CRAMP1: variants seen among roughly 807,000 people sequenced by gnomAD.
CRAMP1 encodes protein cramped-like.
CRAMP1 carries 50 observed loss-of-function variants against 115.4 expected under a neutral mutation model. The observed-to-expected ratio is 0.43, with a 90% confidence interval of 0.35 to 0.55. The LOEUF (loss-of-function observed/expected upper bound fraction) is 0.55. Ranked by LOEUF, CRAMP1 falls within the 20% of genes least tolerant of loss-of-function variation. The probability of loss-of-function intolerance (pLI) is 0.01; values close to 1 mark genes in which losing one functional copy is unlikely to be tolerated. For missense variants in CRAMP1, 1,679 were observed against 1,721.7 expected (o/e 0.98, Z 0.44); for synonymous variants, 866 against 745.4 (o/e 1.16, Z -2.64).
chr16:1,668,025 C>G lies in CRAMP1; in HGVS notation c.3166C>G (p.Pro1056Ala). Residue 1056 changes from proline (P) to alanine (A), a missense_variant, in exon 18 of 21, where the codon CCG becomes GCG. By Grantham distance (27) the Pro-to-Ala change is conservative. Around this residue, in one of 8 missense-constraint regions of CRAMP1, gnomAD observed 709 missense variants for 741.9 expected, o/e 0.96. Transcript: ENST00000397412. ...CCCTCTCCAGAATGGCCTCTCCATA[C>G]CGCTGTCCTCGTCAGAGAGCTCCAG... ...KAPLQNGLSIPLSSSESSSTR... is the reference protein window; with the variant it reads ...KAPLQNGLSIALSSSESSSTR... 6.2e-7 allele frequency: 1 copy of G among 1,613,890 alleles called. No individual in the cohort carries two copies.
intron 5 of CRAMP1, among the ~76,000 whole-genome samples, chr16:1,640,826 C>T (rs1392892503): frequency 7.2e-5 from 11 of 151,800 alleles, no homozygotes; most frequent in South Asian, 2.1e-4. Flanking sequence ...GGAAGGCCGG[C>T]GCTGGGGGAC....
At chr16:1,667,525 G>A (rs2036885986) in intron 17 of CRAMP1, 125 bp downstream of exon 17, 1 of 755,946 alleles carries the variant, frequency 1.3e-6, no homozygotes. Flanking sequence ...TGGCTTTGCT[G>A]TTCTTCCACC....
At chr16:1,617,287 A>G (rs1176223225) in intron 2 of CRAMP1, among the ~76,000 whole-genome samples, 1 of 152,174 alleles carries the variant, frequency 6.6e-6, no homozygotes, top group Non-Finnish European at 1.5e-5. Flanking sequence ...CTCTGCTTTC[A>G]GGTTCCTCAG....
chr16:1,634,026 CA>C (rs35510689), intron 4 of CRAMP1, among the ~76,000 whole-genome samples: 20,495 of 137,982 alleles, frequency 0.15, 1,801 homozygotes, highest in African/African-American at 0.24. Flanking sequence ...GACTCCGTCT[CA>C]AAAAAAAAAA....
At chr16:1,641,608 G>A (rs1284999828) in intron 6 of CRAMP1, among the ~76,000 whole-genome samples, 1 of 152,120 alleles carries the variant, frequency 6.6e-6, no homozygotes, top group African/African-American at 2.4e-5. Flanking sequence ...TTGTGCCCTG[G>A]ATGCTTCTGT....
At chr16:1,648,794 C>T (rs537289563) in intron 6 of CRAMP1, among the ~76,000 whole-genome samples, 2 of 152,150 alleles carry the variant, frequency 1.3e-5, no homozygotes, top group South Asian at 2.1e-4. Flanking sequence ...CGCGGTGGCT[C>T]ACGCCTGTAA....
chr16:1,637,805 C>G lies in CRAMP1; in HGVS notation c.695-19C>G, dbSNP rs1038953714. 10 of 1,428,416 alleles carry G rather than the reference C, an allele frequency of 7.0e-6. No individual in the cohort carries two copies. In the Admixed American group the frequency reaches 2.1e-4, roughly 29 times the overall value. 88.5% of individuals were successfully genotyped at this position (1,428,416 alleles called of 1,614,324 possible). A position where few individuals can be genotyped will look rare whatever the true frequency, so the allele number is the denominator to read the frequency against. ...CTCCTGTTCCCCTCTCTAAAGCCGC[C>G]TTCTCTTCTGTTTCTCAGTGTTCTC... On this transcript the variant is annotated intron_variant, in intron 4 of 20. Transcript: ENST00000397412.
intron 5 of CRAMP1, among the ~76,000 whole-genome samples, chr16:1,639,423 G>C (rs930988995): frequency 6.6e-6 from 1 of 151,092 alleles, no homozygotes; most frequent in Non-Finnish European, 1.5e-5. Context: ...GTTTCCCATT[G>C]GCTGCTTGGT....
In CRAMP1 at chr16:1,662,611, G is replaced by A. The variant is rs369431066; in HGVS notation, c.2535G>A (p.Lys845=). 160 of 1,613,890 alleles carry A rather than the reference G, an allele frequency of 9.9e-5. No individual in the cohort carries two copies. The highest frequency in any genetic ancestry group is 1.3e-4 in the Non-Finnish European group (155 of 1,179,886). ...TTLPPNSRHG[K]LFSPSKEAEL... is the part of the protein sequence containing the mutation. ...TGCCACCCAACAGCCGACACGGGAA[G>A]CTCTTCTCTCCCAGTAAAGAAGCAG... Residue 845 remains lysine (K), a synonymous_variant, in exon 12 of 21, where the codon AAG becomes AAA. Coordinates refer to ENST00000397412, the MANE Select transcript of CRAMP1 (RefSeq NM_020825.4).
intron 3 of CRAMP1, among the ~76,000 whole-genome samples, chr16:1,626,476 T>G (rs988188556): frequency 2.0e-5 from 3 of 152,194 alleles, no homozygotes; most frequent in Admixed American, 6.5e-5. Flanking sequence ...GAAGGCCCTC[T>G]TGTTTCAGGG....
chr16:1,623,369 G>A (rs897805184), intron 2 of CRAMP1, among the ~76,000 whole-genome samples: 13 of 152,188 alleles, frequency 8.5e-5, no homozygotes, highest in African/African-American at 2.9e-4. Context: ...ACCTCTGAGA[G>A]CCCGTCCAGC....
intron 1 of CRAMP1, among the ~76,000 whole-genome samples, 85 bp downstream of exon 1, chr16:1,612,742 C>T (rs1179544204): frequency 6.6e-6 from 1 of 151,474 alleles, no homozygotes; most frequent in Non-Finnish European, 1.5e-5. Flanking sequence ...GCGGGGGGGG[C>T]GTCGCTTCCA....
intron 6 of CRAMP1, among the ~76,000 whole-genome samples, chr16:1,650,683 C>T (rs1248523603): frequency 2.0e-5 from 3 of 152,214 alleles, no homozygotes; most frequent in Non-Finnish European, 4.4e-5. Context: ...CTTAGAATCA[C>T]GCTCTGTTCT....
In CRAMP1 at chr16:1,666,605, G is replaced by A; in HGVS notation, c.3036+5G>A. The A allele has an allele frequency of 6.2e-7, 1 of 1,613,224 alleles. No homozygotes were observed. The highest frequency in any genetic ancestry group is 8.5e-7 in the Non-Finnish European group (1 of 1,179,346). ...GACACCCTCCCCACCGTGGGGGTGA[G>A]TATGTTTAGAAGGGCTTTTCAGCAT... On this transcript the variant is annotated splice_donor_5th_base_variant and intron_variant, in intron 16 of 20. Transcript: ENST00000397412. The surrounding 1 kb of genome is among the most constrained non-coding windows in gnomAD (Gnocchi z 5.0).
chr16:1,656,927 C>T lies in CRAMP1; in HGVS notation c.2170C>T (p.Leu724Phe), dbSNP rs2036781342. The T allele has an allele frequency of 1.5e-5, 23 of 1,558,574 alleles. No homozygotes were observed. Among genetic ancestry groups the T allele is most frequent in the Non-Finnish European group, 1.8e-5 (21 of 1,151,800 alleles). ...DPRPGSLPTA[L>F]HKQRLLSCLL... The stretch of plus-strand genomic sequence containing the variant: ...CCGCCCCGGCTCCCTACCCACCGCC[C>T]TCCACAAGCAGCGCCTCCTCAGCTG... The change falls in exon 10 of 21, where the codon CTC becomes TTC. Residue 724 changes from leucine (L) to phenylalanine (F), a missense_variant. Leu to Phe is a conservative substitution (Grantham distance 22). Coordinates refer to ENST00000397412, the MANE Select transcript of CRAMP1 (RefSeq NM_020825.4). The surrounding 1 kb of genome is among the most constrained non-coding windows in gnomAD (Gnocchi z 5.6).
chr16:1,647,748 TAAAAA>T (rs35279793), intron 6 of CRAMP1, among the ~76,000 whole-genome samples: 4 of 87,722 alleles, frequency 4.6e-5, no homozygotes, highest in South Asian at 4.3e-4. Flanking sequence ...GACTCTGCCT[TAAAAA>T]AAAAAAAAAA....
In CRAMP1 at chr16:1,618,550, C is replaced by T. The variant is rs372927424; in HGVS notation, c.346+3565C>T. ...GCTTATTTTGGTCCCCCTCTCACCC[C>T]GAAGAACTTCAGTTCCATCAAGGAT... On this transcript the variant is annotated intron_variant, in intron 2 of 20. Coordinates refer to ENST00000397412, the MANE Select transcript of CRAMP1 (RefSeq NM_020825.4). Among the ~76,000 whole-genome samples, 17 of 152,196 alleles carry T rather than the reference C, an allele frequency of 1.1e-4. 2 individuals are homozygous for T. The highest frequency in any genetic ancestry group is 5.9e-4 in the Admixed American group (9 of 15,290).
At chr16:1,667,559 G>A in intron 17 of CRAMP1, 159 bp downstream of exon 17, 1 of 654,374 alleles carries the variant, frequency 1.5e-6, no homozygotes, top group Non-Finnish European at 2.7e-6. Flanking sequence ...GCCCAGGGTG[G>A]ATAAATGAAT....
chr16:1,661,862 A>G (rs927380497), intron 11 of CRAMP1, among the ~76,000 whole-genome samples: 14 of 152,214 alleles, frequency 9.2e-5, no homozygotes, highest in African/African-American at 2.9e-4. Context: ...TGATGAAAAC[A>G]TTTAGCAGGG....
Sources: gnomAD v4.1 joint callset for allele counts (sites outside exome capture counted in the v4.1 genomes callset) on GRCh38, gnomAD v4.1.1 for gene constraint, gnomAD v4.1.1 regional missense constraint, Gnocchi (gnomAD v3.1) non-coding constraint, MANE v1.5 for transcripts, NCBI Gene and HGNC (gene_info 2026-07-23, HGNC 2026-07-21) for gene names.